The following CEP120 variants were observed in gnomAD, a reference collection of about 807,000 sequenced individuals.
CEP120 encodes the protein centrosomal protein of 120 kDa.
CEP120 carries 113 observed loss-of-function variants against 126.5 expected under a neutral mutation model. That is an observed-to-expected ratio of 0.89 (90% CI 0.77 to 1.04). The LOEUF (loss-of-function observed/expected upper bound fraction) is 1.04. CEP120 is among the 50% of genes least tolerant of loss of function. The probability of loss-of-function intolerance (pLI) is 0.00; values close to 1 mark genes in which losing one functional copy is unlikely to be tolerated. For synonymous variants in CEP120, 400 were observed against 394.3 expected (o/e 1.01, Z -0.17); for missense variants, 1,230 against 1,155.7 (o/e 1.06, Z -0.93).
chr5:123,389,744 C>A (rs1261913671), intron 8 of CEP120, among the ~76,000 whole-genome samples, 180 bp downstream of exon 8: 1 of 152,202 alleles, frequency 6.6e-6, no homozygotes, highest in African/African-American at 2.4e-5. Flanking sequence ...AGGTGATCCA[C>A]CTGCCTCGGT....
intron 9 of CEP120, among the ~76,000 whole-genome samples, chr5:123,387,064 C>A (rs1039332598): frequency 6.6e-6 from 1 of 152,006 alleles, no homozygotes; most frequent in Non-Finnish European, 1.5e-5. Context: ...GCAAACAATT[C>A]GAATGTATTA....
At chr5:123,349,453 T>A (rs1019531407) in intron 19 of CEP120, among the ~76,000 whole-genome samples, 1 of 152,134 alleles carries the variant, frequency 6.6e-6, no homozygotes, top group Admixed American at 6.6e-5. Context: ...ATAACAAAAT[T>A]TGAAATTTCT....
chr5:123,407,116 A>C (rs1032522552), intron 4 of CEP120, among the ~76,000 whole-genome samples: 1 of 151,236 alleles, frequency 6.6e-6, no homozygotes, highest in Non-Finnish European at 1.5e-5. Context: ...AAAAAAAAAA[A>C]AAACAAAAAA....
At chr5:123,354,383 T>C (rs1320591088) in intron 18 of CEP120, among the ~76,000 whole-genome samples, 5 of 152,170 alleles carry the variant, frequency 3.3e-5, no homozygotes, top group Admixed American at 6.6e-5. Flanking sequence ...TGGACTTTTT[T>C]GATGAAGTGT....
intron 1 of CEP120, among the ~76,000 whole-genome samples, chr5:123,419,250 A>G (rs1774565310): frequency 6.6e-6 from 1 of 152,256 alleles, no homozygotes; most frequent in Non-Finnish European, 1.5e-5. Context: ...TTTAGGTACT[A>G]CTATTGCACT....
chr5:123,416,184 T>C (rs992189894), intron 2 of CEP120, 60 bp from the exon 3 acceptor site: 5 of 904,046 alleles, frequency 5.5e-6, no homozygotes, highest in Non-Finnish European at 8.8e-6. Flanking sequence ...CTATTGGCCT[T>C]GAAAATATTT....
intron 19 of CEP120, among the ~76,000 whole-genome samples, chr5:123,347,325 A>C (rs1005190117): frequency 5.3e-5 from 8 of 152,150 alleles, no homozygotes; most frequent in African/African-American, 1.9e-4. Flanking sequence ...TGTATTGAAC[A>C]TATTTTTAAA....
In CEP120 at chr5:123,423,028, CG is replaced by C; in HGVS notation, c.-31del. The C allele has an allele frequency of 6.2e-7, 1 of 1,603,784 alleles. No homozygotes were observed. The highest frequency in any genetic ancestry group is 8.5e-7 in the Non-Finnish European group (1 of 1,171,082). ...GCGGTGAGCGGTCCGGGGGCGAAGG[CG>C]GCTGGGGGGAAGTGAGGTCCAGTTG... On this transcript the variant is annotated 5_prime_UTR_variant, in exon 1 of 20. Transcript: ENST00000306467.
intron 4 of CEP120, among the ~76,000 whole-genome samples, chr5:123,409,169 G>GA (rs879654307): frequency 6.3e-4 from 95 of 150,366 alleles, no homozygotes; most frequent in African/African-American, 1.9e-3. Flanking sequence ...GCCTAATGAA[G>GA]AAAAAAAAAT....
At chr5:123,388,381 A>G (rs1393143189) in intron 9 of CEP120, 51 bp downstream of exon 9, 1 of 1,281,876 alleles carries the variant, frequency 7.8e-7, no homozygotes, top group Non-Finnish European at 1.0e-6. Flanking sequence ...CAAACACAGG[A>G]AAGTCCTTTC....
At chr5:123,414,669 T>A (rs1774267344) in intron 3 of CEP120, among the ~76,000 whole-genome samples, 1 of 151,952 alleles carries the variant, frequency 6.6e-6, no homozygotes, top group Non-Finnish European at 1.5e-5. Context: ...AGAAGATACT[T>A]AAAGCGCTAA....
intron 18 of CEP120, among the ~76,000 whole-genome samples, chr5:123,352,201 T>C (rs183172018): frequency 6.6e-6 from 1 of 152,094 alleles, no homozygotes; most frequent in African/African-American, 2.4e-5. Flanking sequence ...ATCAATTATA[T>C]AAATTACAAC....
intron 5 of CEP120, among the ~76,000 whole-genome samples, chr5:123,395,989 CT>C (rs67492630): frequency 0.25 from 32,894 of 129,884 alleles, 4,131 homozygotes; most frequent in African/African-American, 0.33. Context: ...GTCTCCATTC[CT>C]TTTTTTTTTT....
chr5:123,370,204 G>A (rs989299236), intron 17 of CEP120, among the ~76,000 whole-genome samples: 2 of 151,964 alleles, frequency 1.3e-5, no homozygotes, highest in African/African-American at 4.8e-5. Context: ...TCTGAAATAA[G>A]TATAAGAAGT....
intron 18 of CEP120, among the ~76,000 whole-genome samples, chr5:123,352,619 G>C (rs1769266919): frequency 6.6e-6 from 1 of 151,756 alleles, no homozygotes; most frequent in South Asian, 2.1e-4. Flanking sequence ...CTCAATATAC[G>C]ACAGTTCTTC....
intron 18 of CEP120, among the ~76,000 whole-genome samples, chr5:123,358,632 A>C (rs1241295836): frequency 6.6e-6 from 1 of 152,090 alleles, no homozygotes; most frequent in Non-Finnish European, 1.5e-5. Flanking sequence ...ACATTTTCTA[A>C]AACGTAAGAA....
At chr5:123,406,368 A>C (rs1580728390) in intron 4 of CEP120, among the ~76,000 whole-genome samples, 1 of 149,050 alleles carries the variant, frequency 6.7e-6, no homozygotes, top group East Asian at 2.0e-4. Context: ...CAGGAAGCTC[A>C]GAGAACACTA....
chr5:123,355,311 T>C (rs1769512003), intron 18 of CEP120, among the ~76,000 whole-genome samples: 1 of 152,204 alleles, frequency 6.6e-6, no homozygotes, highest in African/African-American at 2.4e-5. Flanking sequence ...AGTAAGGGGA[T>C]GGCTGGGTCA....
At chr5:123,370,316 T>C (rs1329687002) in intron 17 of CEP120, among the ~76,000 whole-genome samples, 1 of 152,012 alleles carries the variant, frequency 6.6e-6, no homozygotes, top group Non-Finnish European at 1.5e-5. Flanking sequence ...GCTGGATTTA[T>C]TAAATAAAAG....
Sources: allele counts gnomAD v4.1 joint callset (sites outside exome capture counted in the v4.1 genomes callset), GRCh38; gene constraint gnomAD v4.1.1; transcripts MANE v1.5; gene names NCBI Gene and HGNC (gene_info 2026-07-23, HGNC 2026-07-21).